Variants in ATAD5 observed in about 807,000 individuals in gnomAD.
ATAD5 encodes ATPase family AAA domain-containing protein 5.
ATAD5 carries 58 observed loss-of-function variants against 176.9 expected under a neutral mutation model. The observed-to-expected ratio is 0.33, with a 90% confidence interval of 0.27 to 0.41. The LOEUF (loss-of-function observed/expected upper bound fraction) is 0.41, where lower values mean the gene tolerates loss of function less well. ATAD5 is among the 10% of genes least tolerant of loss of function. ATAD5 has a pLI of 1.00. For synonymous variants in ATAD5, 640 were observed against 712.6 expected (o/e 0.90, Z 1.62); for missense variants, 1,789 against 2,094.1 (o/e 0.85, Z 2.84).
chr17:30,882,441 T>A (rs530505292), intron 18 of ATAD5, among the ~76,000 whole-genome samples: 9 of 151,742 alleles, frequency 5.9e-5, no homozygotes, highest in African/African-American at 1.7e-4. Context: ...AGAAAAAAAA[T>A]TAACTGGGTG....
At chr17:30,868,302 G>T (rs1461445084) in intron 11 of ATAD5, 31 bp from the exon 12 acceptor site, 1 of 1,518,534 alleles carries the variant, frequency 6.6e-7, no homozygotes, top group Non-Finnish European at 8.9e-7. Flanking sequence ...TATATTCTGT[G>T]AATTATTTTT....
intron 6 of ATAD5, among the ~76,000 whole-genome samples, chr17:30,846,456 G>A (rs1906511262): frequency 6.7e-6 from 1 of 148,420 alleles, no homozygotes; most frequent in Non-Finnish European, 1.5e-5. Context: ...AGGCTGGAGT[G>A]CAGTGGCGTG....
chr17:30,893,331 T>C lies in ATAD5; in HGVS notation c.4478T>C (p.Ile1493Thr). ...ATGAAGGAAGAATGGCATAAATTCA[T>C]CCAGCTTCTTACAGAATTCCAAATG... ...ITMKEEWHKFIQLLTEFQMRN... is the reference protein window; with the variant it reads ...ITMKEEWHKFTQLLTEFQMRN... Residue 1493 changes from isoleucine (I) to threonine (T), a missense_variant, in exon 21 of 23, where the codon ATC becomes ACC. Coordinates refer to ENST00000321990, the MANE Select transcript of ATAD5 (RefSeq NM_024857.5). The C allele has an allele frequency of 6.3e-7, 1 of 1,583,686 alleles. No homozygotes were observed.
At chr17:30,846,862 A>C (rs1007287759) in intron 6 of ATAD5, among the ~76,000 whole-genome samples, 1 of 151,518 alleles carries the variant, frequency 6.6e-6, no homozygotes, top group African/African-American at 2.4e-5. Context: ...CTGGGATTAC[A>C]GGCATGTGCC....
At chr17:30,879,805 G>A (rs1908906137) in intron 18 of ATAD5, among the ~76,000 whole-genome samples, 1 of 151,880 alleles carries the variant, frequency 6.6e-6, no homozygotes, top group South Asian at 2.1e-4. Context: ...CTTGTGATCT[G>A]CCCGCCTCGG....
chr17:30,855,185 T>TAAA lies in ATAD5; in HGVS notation c.2494_2496dup (p.Lys832dup), dbSNP rs1208569793. The stretch of plus-strand genomic sequence containing the variant: ...AATCTCAGGATTGTGATGTTCAATG[T>TAAA]AAAGCAAAGCGTGACTTCCTAATGA... On this transcript the variant is annotated inframe_insertion, in exon 7 of 23. Coordinates refer to ENST00000321990, the MANE Select transcript of ATAD5 (RefSeq NM_024857.5). The TAAA allele has an allele frequency of 1.2e-6, 2 of 1,612,116 alleles. No individual in the cohort carries two copies. The highest frequency in any genetic ancestry group is 1.7e-6 in the Non-Finnish European group (2 of 1,179,522).
At chr17:30,857,221 AAT>A in intron 8 of ATAD5, 109 bp downstream of exon 8, 1 of 1,262,112 alleles carries the variant, frequency 7.9e-7, no homozygotes, top group South Asian at 1.6e-5. Context: ...CCTAGAGTTT[AAT>A]TTTTTTTTTT....
At chr17:30,876,573 T>G (rs770125536) in intron 15 of ATAD5, 23 bp downstream of exon 15, 64 of 1,434,434 alleles carry the variant, frequency 4.5e-5, no homozygotes, top group Non-Finnish European at 5.8e-5. Flanking sequence ...ATTGACAAAT[T>G]TTATATTTTT....
intron 2 of ATAD5, 124 bp downstream of exon 2, chr17:30,836,172 C>A: frequency 2.4e-6 from 2 of 848,082 alleles, no homozygotes; most frequent in South Asian, 2.8e-5. Flanking sequence ...AGAAAAAGAA[C>A]AGGATTTCTT....
chr17:30,863,407 C>G (rs1907764922), intron 10 of ATAD5, among the ~76,000 whole-genome samples: 1 of 150,612 alleles, frequency 6.6e-6, no homozygotes, highest in Admixed American at 6.7e-5. Flanking sequence ...CACTCTGTTG[C>G]CCATGCTGGA....
intron 12 of ATAD5, among the ~76,000 whole-genome samples, chr17:30,868,651 C>T (rs1296690429): frequency 2.7e-5 from 4 of 150,782 alleles, no homozygotes; most frequent in Admixed American, 2.0e-4. Flanking sequence ...GGATTACAGG[C>T]GCCTGCCGCC....
intron 3 of ATAD5, among the ~76,000 whole-genome samples, chr17:30,838,034 T>G (rs988719620): frequency 6.6e-6 from 1 of 152,184 alleles, no homozygotes; most frequent in Non-Finnish European, 1.5e-5. Context: ...GTAGGATGTT[T>G]AGCAACACTC....
intron 8 of ATAD5, 99 bp downstream of exon 8, chr17:30,857,211 C>A: frequency 1.5e-6 from 2 of 1,344,088 alleles, no homozygotes; most frequent in Non-Finnish European, 2.0e-6. Context: ...CGAGTGTTGT[C>A]CTAGAGTTTA....
chr17:30,837,634 G>C (rs1041209802), intron 3 of ATAD5, among the ~76,000 whole-genome samples: 2 of 152,202 alleles, frequency 1.3e-5, no homozygotes, highest in Admixed American at 6.5e-5. Context: ...AATTACCATA[G>C]ACTGAGTGGC....
Position 30,894,134 on chromosome 17 carries a change from TCAG to T in ATAD5, c.5286_5288del (p.Ala1763del), listed in dbSNP as rs1227399345. 1 of 1,556,720 alleles carries T rather than the reference TCAG, an allele frequency of 6.4e-7. No homozygotes were observed. The highest frequency in any genetic ancestry group is 8.7e-7 in the Non-Finnish European group (1 of 1,151,116). ...GCGCAATAATGTATACTTTAGTCAG[TCAG>T]CAGCTAATTTAGAGTAAGTCTTACT... On this transcript the variant is annotated inframe_deletion, in exon 21 of 23. Transcript: ENST00000321990.
intron 4 of ATAD5, among the ~76,000 whole-genome samples, chr17:30,842,210 A>G (rs1388466702): frequency 6.6e-6 from 1 of 152,146 alleles, no homozygotes; most frequent in Non-Finnish European, 1.5e-5. Flanking sequence ...CGGAGGTTGC[A>G]GTGAGCTGAG....
intron 6 of ATAD5, among the ~76,000 whole-genome samples, chr17:30,853,466 T>TA (rs1205535978): frequency 6.6e-6 from 1 of 151,624 alleles, no homozygotes; most frequent in African/African-American, 2.4e-5. Flanking sequence ...AATTAACAGT[T>TA]AAAAAAAATA....
intron 12 of ATAD5, 116 bp from the exon 13 acceptor site, chr17:30,869,132 A>G: frequency 7.9e-7 from 1 of 1,262,026 alleles, no homozygotes; most frequent in African/African-American, 1.5e-5. Flanking sequence ...GGCCTGTATA[A>G]AGTAATTTTT....
At position 30,835,339 on chromosome 17, in the gene ATAD5, A is replaced by T; in HGVS notation, c.1258A>T (p.Lys420Ter). 6.2e-7 allele frequency: 1 copy of T among 1,613,696 alleles called. No individual in the cohort carries two copies. Among genetic ancestry groups the T allele is most frequent in the South Asian group, 1.1e-5 (1 of 90,880 alleles). The change falls in exon 2 of 23, where the codon AAA becomes TAA. Residue 420 changes from lysine to a stop codon, truncating the protein, a stop_gained. Transcript: ENST00000321990. LOFTEE classifies it high-confidence loss of function. ...ATCAGATGCACTTAAAAATGGAGTT[A>T]AAAAGTCTTCTGATAAGCAGAAAGA... ...PASDALKNGV[K>*]KSSDKQKDLN...
Sources: gnomAD v4.1 joint callset for allele counts (sites outside exome capture counted in the v4.1 genomes callset) on GRCh38, gnomAD v4.1.1 for gene constraint, MANE v1.5 for transcripts, NCBI Gene and HGNC (gene_info 2026-07-23, HGNC 2026-07-21) for gene names.